Variants in KCNMB2 observed in about 807,000 individuals in gnomAD.
KCNMB2 encodes calcium-activated potassium channel subunit beta-2.
KCNMB2 carries 9 observed loss-of-function variants against 24.5 expected under a neutral mutation model. The observed-to-expected ratio is 0.37, with a 90% CI of 0.22 to 0.64. The LOEUF is 0.64. Ranked by LOEUF, KCNMB2 falls within the 30% of genes least tolerant of loss-of-function variation. The pLI is 0.63. For missense variants in KCNMB2, 226 were observed against 284.3 expected (o/e 0.79, Z 1.47); for synonymous variants, 109 against 104.4 (o/e 1.04, Z -0.27).
intron 2 of KCNMB2, among the ~76,000 whole-genome samples, chr3:178,811,840 GT>G (rs1322082277): frequency 1.3e-5 from 2 of 152,108 alleles, no homozygotes; most frequent in Non-Finnish European, 2.9e-5. Flanking sequence ...CTTGTTTAGA[GT>G]TTTCGGATTT....
At chr3:178,654,682 T>G (rs1336879533) in intron 1 of KCNMB2, among the ~76,000 whole-genome samples, 2 of 152,208 alleles carry the variant, frequency 1.3e-5, no homozygotes, top group Admixed American at 6.5e-5. Context: ...TGTTTGCTTT[T>G]GGTTTTTGTT....
intron 1 of KCNMB2, among the ~76,000 whole-genome samples, chr3:178,698,004 C>A (rs566460690): frequency 1.6e-4 from 25 of 152,224 alleles, no homozygotes; most frequent in African/African-American, 6.0e-4. Context: ...TCGTAGGTGA[C>A]CAGAACTTTC....
chr3:178,704,822 C>T (rs994277291), intron 1 of KCNMB2, among the ~76,000 whole-genome samples: 4 of 152,190 alleles, frequency 2.6e-5, no homozygotes, highest in African/African-American at 4.8e-5. Context: ...TTCACAGGGT[C>T]GTTTCATTAA....
At chr3:178,564,555 C>T (rs1168258727) in intron 1 of KCNMB2, among the ~76,000 whole-genome samples, 1 of 152,186 alleles carries the variant, frequency 6.6e-6, no homozygotes. Context: ...ATTTATCAAA[C>T]ACCCCACTTC....
At chr3:178,799,120 A>T (rs1411991958) in intron 1 of KCNMB2, among the ~76,000 whole-genome samples, 1 of 152,190 alleles carries the variant, frequency 6.6e-6, no homozygotes, top group East Asian at 1.9e-4. Context: ...TATCTGGAAC[A>T]CACCAAGGAT....
intron 1 of KCNMB2, among the ~76,000 whole-genome samples, chr3:178,631,029 A>T (rs1467971671): frequency 6.6e-6 from 1 of 152,246 alleles, no homozygotes; most frequent in East Asian, 1.9e-4. Context: ...AAGAAGTCAG[A>T]CAACTTAATA....
chr3:178,708,520 T>C (rs1722351338), intron 1 of KCNMB2, among the ~76,000 whole-genome samples: 1 of 152,180 alleles, frequency 6.6e-6, no homozygotes, highest in African/African-American at 2.4e-5. Flanking sequence ...GGTAGTCTGA[T>C]GGCAGAGCTT....
chr3:178,820,875 A>T (rs1714598441), intron 2 of KCNMB2, among the ~76,000 whole-genome samples: 1 of 152,230 alleles, frequency 6.6e-6, no homozygotes, highest in African/African-American at 2.4e-5. Flanking sequence ...CCCTATATAT[A>T]GTAAAGACTG....
intron 1 of KCNMB2, chr3:178,748,924 T>C (rs1053274388): frequency 2.6e-5 from 4 of 152,216 alleles, no homozygotes; most frequent in African/African-American, 9.6e-5. Flanking sequence ...TATCTCCTGT[T>C]GGCAAGTAAT....
chr3:178,552,017 C>T (rs1715969881), intron 1 of KCNMB2, among the ~76,000 whole-genome samples: 1 of 152,236 alleles, frequency 6.6e-6, no homozygotes, highest in Non-Finnish European at 1.5e-5. Context: ...GCTGCCACAC[C>T]CAGAGCTCCG....
chr3:178,719,828 A>G (rs1409249812), intron 1 of KCNMB2, among the ~76,000 whole-genome samples: 1 of 152,122 alleles, frequency 6.6e-6, no homozygotes, highest in East Asian at 1.9e-4. Context: ...ATCAGGATAC[A>G]CTGTTCTCTC....
intron 1 of KCNMB2, among the ~76,000 whole-genome samples, chr3:178,754,191 CAT>C (rs1214823380): frequency 2.9e-5 from 2 of 68,078 alleles, no homozygotes; most frequent in African/African-American, 8.7e-5. Context: ...CACACACACA[CAT>C]ACATATATAT....
intron 1 of KCNMB2, among the ~76,000 whole-genome samples, chr3:178,760,128 A>C (rs866333281): frequency 5.1e-5 from 2 of 39,372 alleles, no homozygotes; most frequent in East Asian, 5.0e-4. Context: ...ATATATCTAT[A>C]TATATATATA....
intron 1 of KCNMB2, among the ~76,000 whole-genome samples, chr3:178,717,732 G>C (rs1410745772): frequency 1.3e-5 from 2 of 152,114 alleles, no homozygotes; most frequent in Admixed American, 6.5e-5. Flanking sequence ...AGTACCTGCT[G>C]TATGCCAGGC....
chr3:178,700,511 G>T (rs1247832360), intron 1 of KCNMB2, among the ~76,000 whole-genome samples: 1 of 152,226 alleles, frequency 6.6e-6, no homozygotes, highest in East Asian at 1.9e-4. Flanking sequence ...GTGATATTGG[G>T]CTAGCCCAAT....
At position 178,691,107 on chromosome 3, in the gene KCNMB2, C is replaced by CTTTTTTTTTTTT. The variant is rs71181241; in HGVS notation, c.-67-116227_-67-116216dup. The stretch of plus-strand genomic sequence containing the variant: ...TGTACAGCATAATTCCCCATTAAGT[C>CTTTTTTTTTTTT]TTTTTTTTTTTTTTTTTTTTGATAG... On this transcript the variant is annotated intron_variant, in intron 1 of 4. Transcript: ENST00000452583. 7.9e-4 allele frequency among the ~76,000 whole-genome samples: 63 copies of CTTTTTTTTTTTT among 79,724 alleles called. 3 individuals are homozygous for CTTTTTTTTTTTT. Among genetic ancestry groups the CTTTTTTTTTTTT allele is most frequent in the Admixed American group, 1.0e-3 (7 of 6,670 alleles). The allele number at this position is 79,724 out of a possible 152,430, so 52.3% of individuals were successfully genotyped here.
At chr3:178,819,437 G>A (rs909394047) in intron 2 of KCNMB2, among the ~76,000 whole-genome samples, 7 of 151,816 alleles carry the variant, frequency 4.6e-5, no homozygotes, top group South Asian at 2.1e-4. Flanking sequence ...CAATCTCTCC[G>A]CCCCTCTGTC....
chr3:178,737,691 T>C (rs77565338), intron 1 of KCNMB2, among the ~76,000 whole-genome samples: 1,901 of 152,294 alleles, frequency 0.012, 19 homozygotes, highest in Middle Eastern at 0.085. Flanking sequence ...AAACAAAGAA[T>C]GTATACTTTA....
chr3:178,544,451 A>AC (rs546292875), intron 1 of KCNMB2, among the ~76,000 whole-genome samples: 40 of 151,920 alleles, frequency 2.6e-4, no homozygotes, highest in Non-Finnish European at 4.1e-4. Context: ...AAATGCCTAA[A>AC]CCCCCTCCTC....
Sources: allele counts gnomAD v4.1 joint callset (sites outside exome capture counted in the v4.1 genomes callset), GRCh38; gene constraint gnomAD v4.1.1; transcripts MANE v1.5; gene names NCBI Gene and HGNC (gene_info 2026-07-23, HGNC 2026-07-21).